ZNF573: variants seen among roughly 807,000 people sequenced by gnomAD.
ZNF573 encodes the protein zinc finger protein 573.
A neutral mutation model predicts 57.4 loss-of-function variants in ZNF573; 41 were observed. The observed-to-expected ratio is 0.71, with a 90% CI of 0.56 to 0.93. The LOEUF (loss-of-function observed/expected upper bound fraction) is 0.93. ZNF573 is among the 40% of genes least tolerant of loss of function. The pLI is 0.00. For synonymous variants in ZNF573, 249 were observed against 261.0 expected, an observed-to-expected ratio of 0.95 and a Z score of 0.44; for missense variants, 730 against 794.8, an observed-to-expected ratio of 0.92 and a Z score of 0.98.
chr19:37,739,790 C>G lies in ZNF573; in HGVS notation c.700G>C (p.Val234Leu), dbSNP rs745751217. The G allele has an allele frequency of 6.2e-7, 1 of 1,613,722 alleles. No homozygotes were observed. The highest frequency in any genetic ancestry group is 8.5e-7 in the Non-Finnish European group (1 of 1,179,730). Residue 234 changes from valine to leucine, a missense_variant, in exon 5 of 5, where the codon GTT (valine) becomes CTT (leucine). Physicochemically the swap from Val to Leu is conservative, Grantham distance 32 (BLOSUM62 1). Coordinates refer to ENST00000536220, the MANE Select transcript of ZNF573 (RefSeq NM_001172690.2). Reference protein sequence around the residue: ...GKAFIYASHIVQHERIHTGGK... With the variant: ...GKAFIYASHILQHERIHTGGK... ...CCAGTGTGAATTCTCTCATGTTGAA[C>G]AATGTGTGAGGCATATATAAAGGCC...
chr19:37,745,758 T>C (rs1383137265), intron 4 of ZNF573, among the ~76,000 whole-genome samples: 1 of 152,214 alleles, frequency 6.6e-6, no homozygotes, highest in Non-Finnish European at 1.5e-5. Flanking sequence ...ATAATGTACA[T>C]AGAGGATTTC....
At chr19:37,771,466 A>C in intron 3 of ZNF573, 98 bp downstream of exon 3, 1 of 1,399,396 alleles carries the variant, frequency 7.1e-7, no homozygotes, top group Non-Finnish European at 9.7e-7. Flanking sequence ...GGAAGGAGAA[A>C]TTCAACTATG....
At chr19:37,762,851 A>G (rs56264690) in intron 4 of ZNF573, among the ~76,000 whole-genome samples, 11,955 of 150,706 alleles carry the variant, frequency 0.079, 704 homozygotes, top group African/African-American at 0.16. Context: ...GGCTCACTGC[A>G]ACCTCCGACT....
chr19:37,745,107 C>G (rs2045368494), intron 4 of ZNF573, among the ~76,000 whole-genome samples: 1 of 151,686 alleles, frequency 6.6e-6, no homozygotes, highest in African/African-American at 2.4e-5. Context: ...AAAAAAAATG[C>G]TCTGTCACTC....
rs138652629 is a variant in ZNF573 at position 37,739,248 on chromosome 19, A to G, written c.1242T>C (p.Tyr414=). 261 of 1,613,994 alleles carry G rather than the reference A, an allele frequency of 1.6e-4. No homozygotes were observed. In the African/African-American group the frequency reaches 3.1e-3, roughly 19 times the overall value. ...HQKTHTGEKP[Y]ECKECGKAFS... Reference sequence around the variant, plus strand: ...AGGCCTTTCCGCATTCCTTGCATTCATAGGGTTTCTCGCCAGTATGAGTTT... The same window carrying G: ...AGGCCTTTCCGCATTCCTTGCATTCGTAGGGTTTCTCGCCAGTATGAGTTT... Residue 414 remains tyrosine, a synonymous_variant, in exon 5 of 5, where the codon TAT becomes TAC. Coordinates refer to ENST00000536220, the MANE Select transcript of ZNF573 (RefSeq NM_001172690.2).
At chr19:37,776,222 T>C (rs2045707535) in intron 1 of ZNF573, among the ~76,000 whole-genome samples, 2 of 152,210 alleles carry the variant, frequency 1.3e-5, no homozygotes, top group Non-Finnish European at 2.9e-5. Flanking sequence ...TAACATTCCC[T>C]GACTTCAAAC....
At chr19:37,749,702 C>T (rs1008726023) in intron 4 of ZNF573, among the ~76,000 whole-genome samples, 2 of 152,152 alleles carry the variant, frequency 1.3e-5, no homozygotes, top group Non-Finnish European at 2.9e-5. Flanking sequence ...ACTAATGTTA[C>T]TGATGCAATT....
At chr19:37,779,390 A>G (rs1489586537) in intron 1 of ZNF573, among the ~76,000 whole-genome samples, 154 bp downstream of exon 1, 1 of 152,076 alleles carries the variant, frequency 6.6e-6, no homozygotes, top group Non-Finnish European at 1.5e-5. Context: ...AGATTCCGAT[A>G]ACAACTGGCC....
At chr19:37,751,675 A>ATAGTACATAGTACCGTATATATACTGTG (rs2045436226) in intron 4 of ZNF573, among the ~76,000 whole-genome samples, 2 of 81,740 alleles carry the variant, frequency 2.4e-5, no homozygotes, top group Non-Finnish European at 5.4e-5. Context: ...TATATACTGT[A>ATAGTACATAGTACCGTATATATACTGTG]TATAGTACAT....
chr19:37,749,817 T>C lies in ZNF573; in HGVS notation c.296-9623A>G, dbSNP rs375718547. Among the ~76,000 whole-genome samples, 26 of 152,304 alleles carry C rather than the reference T, an allele frequency of 1.7e-4. No individual in the cohort carries two copies. In the East Asian group the frequency reaches 3.3e-3, roughly 19 times the overall value. On this transcript the variant is annotated intron_variant, in intron 4 of 4. Transcript: ENST00000536220. ...TCCACACTGCACAAACACAGTAAGA[T>C]GGCATTAGGATAAAAACATGTTACT...
At chr19:37,746,716 A>C (rs985929053) in intron 4 of ZNF573, among the ~76,000 whole-genome samples, 1 of 152,030 alleles carries the variant, frequency 6.6e-6, no homozygotes, top group African/African-American at 2.4e-5. Context: ...AGTAACTGGC[A>C]TTATGTACAG....
At chr19:37,761,010 CAACATGGTGAA>C (rs2045547299) in intron 4 of ZNF573, among the ~76,000 whole-genome samples, 1 of 151,944 alleles carries the variant, frequency 6.6e-6, no homozygotes, top group Non-Finnish European at 1.5e-5. Flanking sequence ...CCAGCCTGGT[CAACATGGTGAA>C]AACCCATCTC....
intron 4 of ZNF573, among the ~76,000 whole-genome samples, chr19:37,769,137 G>GT (rs2045629591): frequency 6.6e-6 from 1 of 151,260 alleles, no homozygotes; most frequent in Non-Finnish European, 1.5e-5. Flanking sequence ...GCTAATTTTT[G>GT]TATTTTAAGT....
intron 4 of ZNF573, among the ~76,000 whole-genome samples, chr19:37,748,334 T>C (rs2045401161): frequency 6.6e-6 from 1 of 152,232 alleles, no homozygotes; most frequent in Non-Finnish European, 1.5e-5. Flanking sequence ...GAAATCTCTG[T>C]ATTATCTTTG....
chr19:37,758,199 T>TAATAA (rs1555742417), intron 4 of ZNF573, among the ~76,000 whole-genome samples: 12 of 11,872 alleles, frequency 1.0e-3, no homozygotes, highest in South Asian at 3.4e-3. Flanking sequence ...TAAAGTATAA[T>TAATAA]AAAATATATA....
At position 37,769,003 on chromosome 19, in the gene ZNF573, C is replaced by T. The variant is rs560667591; in HGVS notation, c.295+1002G>A. ...TTTTTGAGACAGAGTCTTACTCTGT[C>T]GCTCAGGCTGGAGTGCAATGGCGTG... On this transcript the variant is annotated intron_variant, in intron 4 of 4. Transcript: ENST00000536220. Among the ~76,000 whole-genome samples the T allele has an allele frequency of 2.2e-4, 33 of 150,784 alleles. No homozygotes were observed. In the South Asian group the frequency reaches 5.1e-3, roughly 23 times the overall value.
intron 4 of ZNF573, among the ~76,000 whole-genome samples, chr19:37,742,567 G>A (rs142632946): frequency 0.01 from 1,572 of 152,232 alleles, 32 homozygotes; most frequent in African/African-American, 0.036. Context: ...CCACAAACAA[G>A]CAATGGGGAA....
In ZNF573 at chr19:37,771,610, T is replaced by C; in HGVS notation, c.156A>G (p.Leu52=). 6.2e-7 allele frequency: 1 copy of C among 1,607,206 alleles called. No individual in the cohort carries two copies. The highest frequency in any genetic ancestry group is 8.5e-7 in the Non-Finnish European group (1 of 1,177,388). ...AGTTCTCCAACATCACATCCCTGTA[T>C]AAGTCCCTCTGATTAGGGTCCAGGT... ...WEYLDPNQRD[L]YRDVMLENYR... Residue 52 remains leucine (L), a synonymous_variant, in exon 3 of 5, where the codon TTA becomes TTG. Transcript: ENST00000536220.
chr19:37,748,465 A>G (rs1026612814), intron 4 of ZNF573, among the ~76,000 whole-genome samples: 1 of 149,718 alleles, frequency 6.7e-6, no homozygotes, highest in Non-Finnish European at 1.5e-5. Context: ...AAAAACGATC[A>G]TTACGCACTA....
Sources: gnomAD v4.1 joint callset for allele counts (sites outside exome capture counted in the v4.1 genomes callset) on GRCh38, gnomAD v4.1.1 for gene constraint, MANE v1.5 for transcripts, NCBI Gene and HGNC (gene_info 2026-07-23, HGNC 2026-07-21) for gene names.